Variants in FARS2 observed in about 807,000 individuals in gnomAD.
FARS2 encodes phenylalanine--tRNA ligase, mitochondrial.
A neutral mutation model predicts 46.4 loss-of-function variants in FARS2; 40 were observed. That is an observed-to-expected ratio of 0.86 (90% CI 0.67 to 1.12). The LOEUF (loss-of-function observed/expected upper bound fraction) is 1.12. FARS2 is among the 50% of genes most tolerant of loss of function. FARS2 has a pLI of 0.00. For synonymous variants in FARS2, 234 were observed against 214.9 expected (o/e 1.09, Z -0.78); for missense variants, 513 against 567.9 (o/e 0.90, Z 0.98).
At chr6:5,750,852 T>C (rs1326848557) in intron 6 of FARS2, among the ~76,000 whole-genome samples, 1 of 152,166 alleles carries the variant, frequency 6.6e-6, no homozygotes, top group East Asian at 1.9e-4. Context: ...TCCCCACTCA[T>C]CTGTGATCAT....
At chr6:5,647,336 A>G (rs1258323487) in intron 6 of FARS2, among the ~76,000 whole-genome samples, 1 of 152,182 alleles carries the variant, frequency 6.6e-6, no homozygotes, top group Admixed American at 6.5e-5. Context: ...TGTTGACTGC[A>G]TTGGTCCAAA....
chr6:5,368,978 C>A lies in FARS2; in HGVS notation c.408C>A (p.Pro136=). The A allele has an allele frequency of 2.5e-6, 4 of 1,614,168 alleles. No individual in the cohort carries two copies. Among genetic ancestry groups the A allele is most frequent in the Non-Finnish European group, 3.4e-6 (4 of 1,180,028 alleles). The change falls in exon 2 of 7, where the codon CCC becomes CCA. Residue 136 remains proline (P), a synonymous_variant. Coordinates refer to ENST00000274680, the MANE Select transcript of FARS2 (RefSeq NM_006567.5). ...GCCTGCTCATCCCAGCTGATCACCCCAGCAGGAAGAAGGGGGACAACTATT... is the reference window on the plus strand; with the variant it reads ...GCCTGCTCATCCCAGCTGATCACCCAAGCAGGAAGAAGGGGGACAACTATT... The part of the protein sequence containing the change: ...FDSLLIPADH[P]SRKKGDNYYL...
upstream of FARS2, chr6:5,260,742 G>A (rs1324113667): frequency 6.6e-6 from 10 of 1,519,670 alleles, no homozygotes; most frequent in African/African-American, 7.0e-5. Context: ...ATTTTGGAAA[G>A]AAAAAAAAAT....
intron 2 of FARS2, among the ~76,000 whole-genome samples, chr6:5,396,929 T>G (rs1297828654): frequency 6.6e-6 from 1 of 152,168 alleles, no homozygotes; most frequent in East Asian, 1.9e-4. Flanking sequence ...TCCCCCTGAT[T>G]TGATATCATC....
At chr6:5,315,829 A>G (rs1202222982) in intron 1 of FARS2, among the ~76,000 whole-genome samples, 7 of 151,894 alleles carry the variant, frequency 4.6e-5, no homozygotes, top group Admixed American at 4.6e-4. Context: ...CTGCTTATAA[A>G]TGCATGTTCA....
At chr6:5,335,193 ATT>A (rs1771069733) in intron 1 of FARS2, among the ~76,000 whole-genome samples, 1 of 152,100 alleles carries the variant, frequency 6.6e-6, no homozygotes, top group Non-Finnish European at 1.5e-5. Context: ...TCACTTCAGG[ATT>A]TTCATTGCTT....
chr6:5,352,078 A>G (rs922703855), intron 1 of FARS2, among the ~76,000 whole-genome samples: 4 of 151,396 alleles, frequency 2.6e-5, no homozygotes, highest in African/African-American at 4.9e-5. Context: ...ATGGCTTTCA[A>G]TGTGGCTCAA....
intron 3 of FARS2, among the ~76,000 whole-genome samples, chr6:5,411,645 T>G (rs537286395): frequency 6.6e-6 from 1 of 152,334 alleles, no homozygotes; most frequent in East Asian, 1.9e-4. Context: ...ACACACTATT[T>G]CCTTGTGGCA....
At chr6:5,515,746 T>C (rs1768744868) in intron 4 of FARS2, among the ~76,000 whole-genome samples, 1 of 152,192 alleles carries the variant, frequency 6.6e-6, no homozygotes, top group Non-Finnish European at 1.5e-5. Context: ...TGATTTTGAC[T>C]GTGTGTTTTA....
At chr6:5,685,660 C>G (rs1250062589) in intron 6 of FARS2, among the ~76,000 whole-genome samples, 4 of 152,100 alleles carry the variant, frequency 2.6e-5, no homozygotes, top group Non-Finnish European at 5.9e-5. Context: ...ATAAAGCGTA[C>G]GAGGTTTTTG....
At chr6:5,404,294 A>G (rs866982421) in intron 2 of FARS2, among the ~76,000 whole-genome samples, 2 of 152,360 alleles carry the variant, frequency 1.3e-5, no homozygotes, top group Middle Eastern at 3.4e-3. Context: ...CAAATCAAAA[A>G]CAGATTAGCA....
At chr6:5,640,418 C>T (rs1776759221) in intron 6 of FARS2, among the ~76,000 whole-genome samples, 1 of 152,186 alleles carries the variant, frequency 6.6e-6, no homozygotes, top group Non-Finnish European at 1.5e-5. Flanking sequence ...TGCGAGTTGG[C>T]CACTCCCAGC....
In FARS2 at chr6:5,765,815, A is replaced by G. The variant is rs1554133241; in HGVS notation, c.1218-5476A>G. Among the ~76,000 whole-genome samples, 1 of 152,114 alleles carries G rather than the reference A, an allele frequency of 6.6e-6. No individual in the cohort carries two copies. The highest frequency in any genetic ancestry group is 1.5e-5 in the Non-Finnish European group (1 of 68,018). On this transcript the variant is annotated intron_variant, in intron 6 of 6. Coordinates refer to ENST00000274680, the MANE Select transcript of FARS2 (RefSeq NM_006567.5). The surrounding 1 kb of genome is among the most constrained non-coding windows in gnomAD (Gnocchi z 4.0). Reference sequence around the variant, plus strand: ...GGATGTGAGCTGGTTGAGGGCAGATACTGGGTCCCCTTCATGTGCTTCTCT... The same window carrying G: ...GGATGTGAGCTGGTTGAGGGCAGATGCTGGGTCCCCTTCATGTGCTTCTCT...
intron 5 of FARS2, among the ~76,000 whole-genome samples, chr6:5,583,166 A>G (rs1773431218): frequency 6.6e-6 from 1 of 152,240 alleles, no homozygotes; most frequent in Admixed American, 6.5e-5. Flanking sequence ...TGTAAAAACA[A>G]AATGGTCACT....
chr6:5,714,501 A>G (rs1000598456), intron 6 of FARS2, among the ~76,000 whole-genome samples: 1 of 152,126 alleles, frequency 6.6e-6, no homozygotes, highest in Non-Finnish European at 1.5e-5. Context: ...CTACTCCTAC[A>G]TTTTCTTCTA....
intron 5 of FARS2, among the ~76,000 whole-genome samples, chr6:5,569,148 G>C (rs997989159): frequency 2.0e-4 from 30 of 152,002 alleles, no homozygotes; most frequent in African/African-American, 7.0e-4. Flanking sequence ...TTTCTGCCTT[G>C]GGAGCTGGGT....
intron 6 of FARS2, among the ~76,000 whole-genome samples, chr6:5,735,292 A>T (rs1760879746): frequency 6.6e-6 from 1 of 152,202 alleles, no homozygotes. Flanking sequence ...TTGATTCCAG[A>T]TTCTCTGATT....
intron 5 of FARS2, among the ~76,000 whole-genome samples, chr6:5,568,578 A>G (rs1276308223): frequency 6.6e-6 from 1 of 152,202 alleles, no homozygotes; most frequent in Non-Finnish European, 1.5e-5. Flanking sequence ...GGAAGGAGAC[A>G]GAAGTGTGAG....
At chr6:5,489,983 GC>G (rs1561658192) in intron 4 of FARS2, among the ~76,000 whole-genome samples, 3 of 152,038 alleles carry the variant, frequency 2.0e-5, no homozygotes, top group African/African-American at 7.2e-5. Context: ...ATATAGAGTC[GC>G]GTAGGCACAA....
Sources: gnomAD v4.1 joint callset for allele counts (sites outside exome capture counted in the v4.1 genomes callset) on GRCh38, gnomAD v4.1.1 for gene constraint, Gnocchi (gnomAD v3.1) non-coding constraint, MANE v1.5 for transcripts, NCBI Gene and HGNC (gene_info 2026-07-23, HGNC 2026-07-21) for gene names.